ACBD5: variants seen among roughly 807,000 people sequenced by gnomAD.
ACBD5 encodes the protein acyl-CoA binding domain containing 5.
In ACBD5, 40 loss-of-function variants were observed where a neutral mutation model predicts 71.8. The observed-to-expected ratio is 0.56, with a 90% CI of 0.43 to 0.72. The LOEUF (loss-of-function observed/expected upper bound fraction) is 0.72, where lower values mean the gene tolerates loss of function less well. Among genes scored for constraint, ACBD5 ranks in the 30% least tolerant of loss-of-function variants. The probability of loss-of-function intolerance (pLI) is 0.00; values close to 1 mark genes in which losing one functional copy is unlikely to be tolerated. For missense variants in ACBD5, 559 were observed against 644.5 expected (o/e 0.87, Z 1.44); for synonymous variants, 229 against 218.6 (o/e 1.05, Z -0.42).
At position 27,240,326 on chromosome 10, in the gene ACBD5, C is replaced by T. The variant is rs1426145798; in HGVS notation, c.174G>A (p.Pro58=). 1.2e-6 allele frequency: 2 copies of T among 1,613,950 alleles called. No individual in the cohort carries two copies. The highest frequency in any genetic ancestry group is 4.5e-5 in the East Asian group (2 of 44,880). Residue 58 remains proline (P), a synonymous_variant, in exon 2 of 13, where the codon CCG becomes CCA. Transcript: ENST00000396271. The surrounding 1 kb of genome is among the most constrained non-coding windows in gnomAD (Gnocchi z 4.1). ...GGGGCCCAGCGCACGTACCATTCTT[C>T]GGCAAACTCTGGATCACCTTCACGG... is the stretch of plus-strand genomic sequence containing the variant. ...EAAVKVIQSL[P]KNGSFQPTNE... is the part of the protein sequence containing the mutation.
chr10:27,239,691 T>G (rs2065208544), intron 2 of ACBD5, among the ~76,000 whole-genome samples: 1 of 152,232 alleles, frequency 6.6e-6, no homozygotes, highest in African/African-American at 2.4e-5. Context: ...ACGCTTAAGC[T>G]GGTAGACCCT....
At position 27,240,174 on chromosome 10, in the gene ACBD5, T is replaced by C. The variant is rs148272628; in HGVS notation, c.181+145A>G. ...CCGGTTTGGAAGATCAAAAGGTAAT[T>C]AATTCATATTCAATAGCTCCCCTTC... On this transcript the variant is annotated intron_variant, in intron 2 of 12. Transcript: ENST00000396271. The surrounding 1 kb of genome is among the most constrained non-coding windows in gnomAD (Gnocchi z 4.1). The C allele has an allele frequency of 3.2e-4, 400 of 1,263,376 alleles. 4 individuals carry two copies. In the East Asian group the frequency reaches 9.9e-3, roughly 31 times the overall value. The allele number at this position is 1,263,376 out of a possible 1,614,324, so 78.3% of individuals were successfully genotyped here.
downstream of ACBD5, among the ~76,000 whole-genome samples, chr10:27,193,762 C>A (rs1202634234): frequency 2.6e-5 from 4 of 152,186 alleles, no homozygotes; most frequent in East Asian, 1.9e-4. Flanking sequence ...AGGAGCCTGT[C>A]TACCTAATGG....
chr10:27,238,215 C>T (rs577664004), intron 2 of ACBD5, among the ~76,000 whole-genome samples: 8 of 151,662 alleles, frequency 5.3e-5, no homozygotes, highest in African/African-American at 1.9e-4. Flanking sequence ...CCCGCCTCAG[C>T]ATCAGCCTGC....
chr10:27,234,574 C>T (rs759652622), intron 3 of ACBD5, among the ~76,000 whole-genome samples: 38 of 151,436 alleles, frequency 2.5e-4, no homozygotes, highest in South Asian at 6.2e-4. Flanking sequence ...GCACCTATCC[C>T]TTTTGGTTTT....
At chr10:27,231,253 A>C (rs1450440480) in intron 4 of ACBD5, among the ~76,000 whole-genome samples, 1 of 152,176 alleles carries the variant, frequency 6.6e-6, no homozygotes, top group Non-Finnish European at 1.5e-5. Flanking sequence ...GCAGTGGCTC[A>C]TGCCTGTAAT....
At chr10:27,224,688 T>A (rs548022283) in intron 4 of ACBD5, among the ~76,000 whole-genome samples, 252 of 152,308 alleles carry the variant, frequency 1.7e-3, no homozygotes, top group African/African-American at 5.9e-3. Flanking sequence ...TTTGCATATA[T>A]TAAAAAGAAT....
chr10:27,193,516 A>G (rs931477401), downstream of ACBD5: 1 of 152,212 alleles, frequency 6.6e-6, no homozygotes, highest in Non-Finnish European at 1.5e-5. Flanking sequence ...AATTTTGTAT[A>G]CAAAAATATA....
In ACBD5 at chr10:27,216,962, C is replaced by T. The variant is rs189882931; in HGVS notation, c.829+1018G>A. 2.0e-3 allele frequency among the ~76,000 whole-genome samples: 309 copies of T among 151,588 alleles called. 1 individual carries two copies. The highest frequency in any genetic ancestry group is 7.1e-3 in the African/African-American group (292 of 41,332). On this transcript the variant is annotated intron_variant, in intron 7 of 12. Transcript: ENST00000396271. ...GAGATCGAGACCATCCTGGCTAACA[C>T]GGTGAAACCCCGTCTCACTAAAAAA...
downstream of ACBD5, among the ~76,000 whole-genome samples, chr10:27,190,997 TAAAG>T (rs1234016445): frequency 1.3e-5 from 2 of 152,138 alleles, no homozygotes; most frequent in Non-Finnish European, 2.9e-5. Context: ...GACACCCAAA[TAAAG>T]AATTCAAGAA....
intron 6 of ACBD5, among the ~76,000 whole-genome samples, 156 bp downstream of exon 6, chr10:27,219,567 T>C (rs1013574601): frequency 3.3e-5 from 5 of 152,236 alleles, no homozygotes. Context: ...TACTATGTAG[T>C]AGAGCCTTTT....
At position 27,240,753 on chromosome 10, in the gene ACBD5, A is replaced by T; in HGVS notation, c.-65T>A. 1.3e-6 allele frequency: 2 copies of T among 1,549,216 alleles called. No homozygotes were observed. Among genetic ancestry groups the T allele is most frequent in the Non-Finnish European group, 1.7e-6 (2 of 1,146,514 alleles). ...GCGGAGCCGCTCTCCCACCCTGGGG[A>T]CCCTGGCGGAGCAGCCACACCCCCC... On this transcript the variant is annotated 5_prime_UTR_variant, in exon 1 of 13. Transcript: ENST00000396271. This position sits in a 1 kb window ranked among gnomAD's most constrained non-coding sequence, Gnocchi z 4.1.
At chr10:27,187,612 T>C (rs576045878) in intron 13 of ACBD5, among the ~76,000 whole-genome samples, 5 of 150,492 alleles carry the variant, frequency 3.3e-5, no homozygotes, top group African/African-American at 1.2e-4. Context: ...ATTAGCCAGG[T>C]ATGGTGACGC....
intron 4 of ACBD5, among the ~76,000 whole-genome samples, chr10:27,225,676 A>G (rs553026349): frequency 6.6e-6 from 1 of 152,308 alleles, no homozygotes; most frequent in Admixed American, 6.5e-5. Flanking sequence ...TTTGAATTAT[A>G]ATAATAATTC....
At chr10:27,236,822 T>C (rs932629777) in intron 2 of ACBD5, among the ~76,000 whole-genome samples, 4 of 148,296 alleles carry the variant, frequency 2.7e-5, no homozygotes, top group African/African-American at 1.0e-4. Context: ...AAGACGGTGG[T>C]TGCAGTGAGC....
upstream of ACBD5, chr10:27,241,918 T>A (rs1589449386): frequency 2.5e-6 from 1 of 397,258 alleles, no homozygotes; most frequent in South Asian, 1.7e-5. Flanking sequence ...GGTGGAGTCC[T>A]GTAGCCCGGA....
In ACBD5 at chr10:27,189,477, T is replaced by C. The variant is rs2058969227; in HGVS notation, c.1494-6762A>G. On this transcript the variant is annotated intron_variant, in intron 13 of 13. Coordinates refer to the ACBD5 transcript ENST00000676511. ...CCAACATAGCAAGACCCTGTCTCTA[T>C]CTAAATTTTTTAAAAACCGTCATTC... 2.0e-5 allele frequency among the ~76,000 whole-genome samples: 3 copies of C among 152,222 alleles called. No homozygotes were observed. The South Asian group carries it at 6.2e-4, about 32-fold the overall frequency.
At chr10:27,223,245 G>A (rs570191922) in intron 5 of ACBD5, 93 bp downstream of exon 5, 26 of 885,680 alleles carry the variant, frequency 2.9e-5, no homozygotes, top group Admixed American at 9.2e-5. Context: ...TCGGACTGGC[G>A]CGTGAAAGTA....
At chr10:27,200,992 T>A (rs767461629) in intron 12 of ACBD5, among the ~76,000 whole-genome samples, 156 of 50,352 alleles carry the variant, frequency 3.1e-3, no homozygotes, top group Non-Finnish European at 4.4e-3. Context: ...GGCATTATAG[T>A]GAGACCCCCA....
Sources: gnomAD v4.1 joint callset for allele counts (sites outside exome capture counted in the v4.1 genomes callset) on GRCh38, gnomAD v4.1.1 for gene constraint, Gnocchi (gnomAD v3.1) non-coding constraint, MANE v1.5 for transcripts, NCBI Gene and HGNC (gene_info 2026-07-23, HGNC 2026-07-21) for gene names.